Variants in GREB1 observed in about 807,000 individuals in gnomAD.
GREB1 encodes protein GREB1.
A neutral mutation model predicts 200.7 loss-of-function variants in GREB1; 106 were observed. The observed-to-expected ratio is 0.53, with a 90% CI of 0.45 to 0.62. The LOEUF is 0.62. GREB1 is among the 20% of genes least tolerant of loss of function. GREB1 has a pLI of 0.00. For missense variants in GREB1, 2,243 were observed against 2,556.8 expected (o/e 0.88, Z 2.65); for synonymous variants, 1,132 against 1,092.4 (o/e 1.04, Z -0.72).
At chr2:11,554,280 C>A (rs143719746) in intron 1 of GREB1, among the ~76,000 whole-genome samples, 2 of 152,142 alleles carry the variant, frequency 1.3e-5, no homozygotes, top group Admixed American at 1.3e-4. Context: ...GACCAAGGGG[C>A]CCTGTGGTCA....
chr2:11,544,341 C>T (rs1459897350), intron 1 of GREB1, among the ~76,000 whole-genome samples: 4 of 152,128 alleles, frequency 2.6e-5, no homozygotes, highest in South Asian at 4.2e-4. Flanking sequence ...CTCAGTATAC[C>T]GAGTAGCTGG....
rs1470613727 is a variant in GREB1, at chr2:11,493,249, C to T, written c.-159+10868C>T. Reference sequence around the variant, plus strand: ...TTGTTTATATCAATTAGCCCAGCAGCCCCCAACCTTTTTGGCACCAGGGTC... The same window carrying T: ...TTGTTTATATCAATTAGCCCAGCAGTCCCCAACCTTTTTGGCACCAGGGTC... On this transcript the variant is annotated intron_variant, in intron 1 of 2. Transcript: ENST00000628795. The surrounding 1 kb of genome is among the most constrained non-coding windows in gnomAD (Gnocchi z 4.6). Among the ~76,000 whole-genome samples, 1 of 152,182 alleles carries T rather than the reference C, an allele frequency of 6.6e-6. No homozygotes were observed. Among genetic ancestry groups the T allele is most frequent in the African/African-American group, 2.4e-5 (1 of 41,434 alleles).
intron 1 of GREB1, among the ~76,000 whole-genome samples, chr2:11,494,448 T>C: frequency 6.6e-6 from 1 of 152,242 alleles, no homozygotes; most frequent in East Asian, 1.9e-4. Context: ...GTGCATCTTA[T>C]GGATGCTGAC....
chr2:11,612,217 G>A, intron 18 of GREB1: 1 of 483,044 alleles, frequency 2.1e-6, no homozygotes, highest in Non-Finnish European at 2.8e-6. Context: ...AAAGACTTAA[G>A]GAGCAGCTGA....
At chr2:11,639,902 C>T (rs1348396331) in intron 32 of GREB1, among the ~76,000 whole-genome samples, 1 of 151,850 alleles carries the variant, frequency 6.6e-6, no homozygotes, top group East Asian at 1.9e-4. Context: ...GGGGGCTGCC[C>T]CAGGCCTGGA....
In GREB1 at chr2:11,618,299, G is replaced by T; in HGVS notation, c.3424G>T (p.Gly1142Cys). 6.4e-7 allele frequency: 1 copy of T among 1,560,154 alleles called. No homozygotes were observed. Among genetic ancestry groups the T allele is most frequent in the Non-Finnish European group, 8.7e-7 (1 of 1,151,544 alleles). Reference protein sequence around the residue: ...LSSKASGSALGGESSAQPTAL... With the variant: ...LSSKASGSALCGESSAQPTAL... ...TCGTCTCTCCTCAGGTTCAGCGCTC[G>T]GTGGCGAGTCCTCGGCTCAGCCCAC... The change falls in exon 22 of 33, where the codon GGT becomes TGT. Residue 1142 changes from glycine to cysteine, a missense_variant. Physicochemically the swap from Gly to Cys is radical, Grantham distance 159. Coordinates refer to ENST00000381486, the MANE Select transcript of GREB1 (RefSeq NM_014668.4).
chr2:11,497,146 A>G (rs923542083), intron 1 of GREB1, among the ~76,000 whole-genome samples: 5 of 152,132 alleles, frequency 3.3e-5, no homozygotes, highest in African/African-American at 1.2e-4. Flanking sequence ...ACCCCTGGCA[A>G]TTGGTGATCT....
At position 11,625,199 on chromosome 2, in the gene GREB1, C is replaced by G. The variant is rs369156288; in HGVS notation, c.4193C>G (p.Pro1398Arg). 1.9e-6 allele frequency: 3 copies of G among 1,613,750 alleles called. No homozygotes were observed. The highest frequency in any genetic ancestry group is 2.7e-5 in the African/African-American group (2 of 74,932). ...SDWHYLQLSD[P>R]WPDLELFKKL... ...TGGCATTATCTCCAGCTTAGCGACC[C>G]CTGGCCAGACCTGGAGCTGTTCAAG... Residue 1398 changes from proline to arginine, a missense_variant, in exon 24 of 33, where the codon CCC (proline) becomes CGC (arginine). By Grantham distance (103) the Pro-to-Arg change is moderately radical. This residue lies in a region of GREB1 where 587 missense variants were observed against 553.1 expected (regional missense o/e 1.06). Coordinates refer to ENST00000381486, the MANE Select transcript of GREB1 (RefSeq NM_014668.4).
At chr2:11,616,830 G>T in intron 21 of GREB1, 110 bp downstream of exon 21, 1 of 706,740 alleles carries the variant, frequency 1.4e-6, no homozygotes, top group Non-Finnish European at 2.5e-6. Context: ...TTTTCCATCA[G>T]AACTGGAAAG....
In GREB1 at chr2:11,597,867, T is replaced by G; in HGVS notation, c.2041T>G (p.Ser681Ala). 1 of 1,614,196 alleles carries G rather than the reference T, an allele frequency of 6.2e-7. No individual in the cohort carries two copies. The highest frequency in any genetic ancestry group is 1.1e-5 in the South Asian group (1 of 91,082). The change falls in exon 14 of 33, where the codon TCC becomes GCC. Residue 681 changes from serine (S) to alanine (A), a missense_variant. Physicochemically the swap from Ser to Ala is moderately conservative, Grantham distance 99. Around this residue, in one of 3 missense-constraint regions of GREB1, gnomAD observed 1,178 missense variants for 1,387.4 expected, o/e 0.85. Transcript: ENST00000381486. The surrounding 1 kb of genome is among the most constrained non-coding windows in gnomAD (Gnocchi z 4.1). Reference sequence around the variant, plus strand: ...CTCCCATGTGTGTTCCATTGCGGATTCCAGCACCCAAAATCTGGACCTGGG... The same window carrying G: ...CTCCCATGTGTGTTCCATTGCGGATGCCAGCACCCAAAATCTGGACCTGGG... ...LLSHVCSIAD[S>A]STQNLDLGSF...
chr2:11,497,996 TTTTTTTTTTTTTTTTTA>T, intron 1 of GREB1, among the ~76,000 whole-genome samples: 3 of 121,102 alleles, frequency 2.5e-5, no homozygotes, highest in African/African-American at 3.0e-5. Flanking sequence ...TTTTTTTTTT[TTTTTTTTTTTTTTTTTA>T]AAGACAGAGT....
At chr2:11,518,729 G>A (rs953983976) in intron 1 of GREB1, among the ~76,000 whole-genome samples, 2 of 150,182 alleles carry the variant, frequency 1.3e-5, no homozygotes, top group Non-Finnish European at 2.9e-5. Flanking sequence ...GCAGTAGATA[G>A]GGCAGTAAAG....
chr2:11,634,394 C>A, intron 29 of GREB1, 45 bp downstream of exon 29: 1 of 1,497,978 alleles, frequency 6.7e-7, no homozygotes, highest in Non-Finnish European at 9.2e-7. Context: ...GCCCTGGGGG[C>A]GCAGAGTCCT....
chr2:11,586,393 G>T (rs1188105750), intron 9 of GREB1, among the ~76,000 whole-genome samples: 1 of 152,248 alleles, frequency 6.6e-6, no homozygotes. Context: ...CACTGTAGAA[G>T]CATCAAACAA....
In GREB1 at chr2:11,483,377, G is replaced by T. The variant is rs1485416738; in HGVS notation, c.-159+996G>T. On this transcript the variant is annotated intron_variant, in intron 1 of 2. Transcript: ENST00000628795. ...GAGCACCCGAGGCTCCTGGCGCTTG[G>T]CACATGGTGAGCCCTCGGTAGGTGG... is the stretch of plus-strand genomic sequence containing the variant. 3.3e-5 allele frequency among the ~76,000 whole-genome samples: 5 copies of T among 151,696 alleles called. No individual in the cohort carries two copies. In the East Asian group the frequency reaches 9.8e-4, roughly 30 times the overall value.
chr2:11,512,625 G>A (rs1420455842), intron 1 of GREB1, among the ~76,000 whole-genome samples: 2 of 152,192 alleles, frequency 1.3e-5, no homozygotes, highest in Admixed American at 1.3e-4. Flanking sequence ...GGGTCCCTGG[G>A]TTGGGCTGTG....
chr2:11,621,544 GT>G, intron 23 of GREB1, among the ~76,000 whole-genome samples: 1 of 152,312 alleles, frequency 6.6e-6, no homozygotes, highest in South Asian at 2.1e-4. Context: ...ATTAAGGTCA[GT>G]TTCTTTTTGA....
intron 20 of GREB1, 100 bp downstream of exon 20, chr2:11,615,390 AGT>A: frequency 9.6e-6 from 10 of 1,036,872 alleles, no homozygotes; most frequent in South Asian, 1.5e-5. Flanking sequence ...AGCTGTCTCC[AGT>A]TCAGCAGGGT....
Position 11,592,103 on chromosome 2 carries a change from G to A in GREB1, c.1346-673G>A, listed in dbSNP as rs1048514255. The stretch of plus-strand genomic sequence containing the variant: ...GACAGTGTAACCTGTCTATACCACC[G>A]TAGTTCCAGTCCTAACTTTCTGAAT... On this transcript the variant is annotated intron_variant, in intron 10 of 32. Transcript: ENST00000381486. 1.9e-5 allele frequency: 19 copies of A among 981,654 alleles called. 1 individual carries two copies. The highest frequency in any genetic ancestry group is 4.7e-5 in the South Asian group (1 of 21,202). 60.8% of individuals were successfully genotyped at this position (981,654 alleles called of 1,614,324 possible).
Sources: gnomAD v4.1 joint callset for allele counts (sites outside exome capture counted in the v4.1 genomes callset) on GRCh38, gnomAD v4.1.1 for gene constraint, gnomAD v4.1.1 regional missense constraint, Gnocchi (gnomAD v3.1) non-coding constraint, MANE v1.5 for transcripts, NCBI Gene and HGNC (gene_info 2026-07-23, HGNC 2026-07-21) for gene names.